The following DOCK4 variants were observed in gnomAD, a reference collection of about 807,000 sequenced individuals.
DOCK4 encodes dedicator of cytokinesis protein 4.
DOCK4 carries 97 observed loss-of-function variants against 268.1 expected under a neutral mutation model. That is an observed-to-expected ratio of 0.36 (90% CI 0.31 to 0.43). DOCK4 has a LOEUF of 0.43. Ranked by LOEUF, DOCK4 falls within the 20% of genes least tolerant of loss-of-function variation. The pLI, the probability that DOCK4 is intolerant of heterozygous loss-of-function variation, is 1.00. For missense variants in DOCK4, 2,145 were observed against 2,455.7 expected (o/e 0.87, Z 2.67); for synonymous variants, 954 against 887.2 (o/e 1.08, Z -1.34).
intron 52 of DOCK4, among the ~76,000 whole-genome samples, chr7:111,729,958 T>G (rs975241034): frequency 3.9e-5 from 6 of 152,240 alleles, no homozygotes; most frequent in African/African-American, 1.4e-4. Context: ...AACTCCAGAA[T>G]TCTGGCAGTT....
Position 111,989,082 on chromosome 7 carries a change from G to A in DOCK4, c.397C>T (p.His133Tyr). 6.2e-7 allele frequency: 1 copy of A among 1,613,992 alleles called. No homozygotes were observed. Among genetic ancestry groups the A allele is most frequent in the Non-Finnish European group, 8.5e-7 (1 of 1,179,894 alleles). The change falls in exon 6 of 53, where the codon CAC becomes TAC. Residue 133 changes from histidine to tyrosine, a missense_variant. Transcript: ENST00000428084. ...LDLRRQVLVG[H>Y]LTHDRMKDVK... ...TCCTTCATCCGGTCGTGGGTGAGGT[G>A]GCCCACCAGCACCTGCCGCCTCAGG...
chr7:111,999,973 A>C (rs575733462), intron 3 of DOCK4, among the ~76,000 whole-genome samples: 1 of 152,240 alleles, frequency 6.6e-6, no homozygotes, highest in South Asian at 2.1e-4. Context: ...ATAGAAATGT[A>C]TCAAGGATAA....
intron 4 of DOCK4, 40 bp from the exon 5 acceptor site, chr7:111,994,271 A>G: frequency 7.6e-7 from 1 of 1,319,092 alleles, no homozygotes; most frequent in East Asian, 2.3e-5. Context: ...TGTAAATACC[A>G]TAGACAACAA....
At chr7:111,739,615 C>G in intron 47 of DOCK4, 138 bp from the exon 48 acceptor site, 1 of 694,770 alleles carries the variant, frequency 1.4e-6, no homozygotes, top group Admixed American at 2.8e-5. Context: ...ATCTTAATAA[C>G]TTAGATTGAC....
chr7:111,839,393 C>T (rs1330984454), intron 25 of DOCK4, among the ~76,000 whole-genome samples: 1 of 152,072 alleles, frequency 6.6e-6, no homozygotes, highest in African/African-American at 2.4e-5. Flanking sequence ...GATTAATTTT[C>T]CTAAGACATT....
chr7:112,064,427 C>A (rs140021467), intron 1 of DOCK4, among the ~76,000 whole-genome samples: 3 of 152,304 alleles, frequency 2.0e-5, no homozygotes, highest in Admixed American at 2.0e-4. Flanking sequence ...AGCTAAAGTT[C>A]CCAGCCAGGG....
intron 1 of DOCK4, among the ~76,000 whole-genome samples, chr7:112,036,918 C>G (rs1278014904): frequency 6.6e-6 from 1 of 152,172 alleles, no homozygotes; most frequent in Non-Finnish European, 1.5e-5. Flanking sequence ...GCCTTTGCCT[C>G]CCATAGTGCT....
At chr7:112,186,895 A>C (rs1158182684) in intron 1 of DOCK4, among the ~76,000 whole-genome samples, 2 of 152,224 alleles carry the variant, frequency 1.3e-5, no homozygotes, top group Non-Finnish European at 2.9e-5. Context: ...TTTATTAGAC[A>C]AACAAAAGTC....
At position 112,011,251 on chromosome 7, in the gene DOCK4, G is replaced by A. The variant is rs952299456; in HGVS notation, c.38-7120C>T. Among the ~76,000 whole-genome samples the A allele has an allele frequency of 4.6e-5, 7 of 152,222 alleles. No individual in the cohort carries two copies. The South Asian group carries it at 6.2e-4, about 14-fold the overall frequency. On this transcript the variant is annotated intron_variant, in intron 1 of 52. Transcript: ENST00000428084. The stretch of plus-strand genomic sequence containing the variant: ...TCTGGCAAGTTCTGCTTCCTTCCTC[G>A]TCACTGCACTGGGGTGAATCCCGAG...
In DOCK4 at chr7:111,813,345, T is replaced by A. The variant is rs138392595; in HGVS notation, c.2931-1396A>T. On this transcript the variant is annotated intron_variant, in intron 27 of 52. Transcript: ENST00000428084. Reference sequence around the variant, plus strand: ...GCTAATATAGATTATATTTACTAGTTAGAAAAATATAGACTTTGAAAGACA... The same window carrying A: ...GCTAATATAGATTATATTTACTAGTAAGAAAAATATAGACTTTGAAAGACA... Among the ~76,000 whole-genome samples the A allele has an allele frequency of 1.1e-4, 16 of 151,186 alleles. No individual in the cohort carries two copies. In the East Asian group the frequency reaches 3.1e-3, roughly 29 times the overall value.
intron 8 of DOCK4, among the ~76,000 whole-genome samples, chr7:111,950,786 TA>T (rs1795993876): frequency 6.6e-6 from 1 of 152,236 alleles, no homozygotes; most frequent in South Asian, 2.1e-4. Context: ...GATTCCAGAT[TA>T]TTCCATTTAA....
chr7:112,147,195 A>G (rs1350394320), intron 1 of DOCK4, among the ~76,000 whole-genome samples: 1 of 152,198 alleles, frequency 6.6e-6, no homozygotes, highest in Non-Finnish European at 1.5e-5. Flanking sequence ...TTGTCATTAG[A>G]AATATACACA....
chr7:112,189,781 T>C (rs2523025), intron 1 of DOCK4, among the ~76,000 whole-genome samples: 4,945 of 139,220 alleles, frequency 0.036, 305 homozygotes, highest in African/African-American at 0.12. Flanking sequence ...ATAGGGTCTC[T>C]ATATTGCCCA....
rs752971386 is a variant in DOCK4, at chr7:111,901,697, T to C, written c.1297A>G (p.Ser433Gly). Reference protein sequence around the residue: ...NVEVTMFIVDSSGQTLKDFIS... With the variant: ...NVEVTMFIVDGSGQTLKDFIS... Reference sequence around the variant, plus strand: ...CATACCTTCAGGGTTTGGCCACTACTGTCTACAATGAACATCGTAACTTCC... The same window carrying C: ...CATACCTTCAGGGTTTGGCCACTACCGTCTACAATGAACATCGTAACTTCC... Residue 433 changes from serine (S) to glycine (G), a missense_variant, in exon 14 of 53, where the codon AGT becomes GGT. This residue lies in a region of DOCK4 where 1,598 missense variants were observed against 1,986.7 expected (regional missense o/e 0.80). Transcript: ENST00000428084. 1.2e-6 allele frequency: 2 copies of C among 1,613,768 alleles called. No individual in the cohort carries two copies. Among genetic ancestry groups the C allele is most frequent in the Non-Finnish European group, 1.7e-6 (2 of 1,179,790 alleles).
At chr7:112,004,763 C>T (rs376331310) in intron 1 of DOCK4, among the ~76,000 whole-genome samples, 1 of 152,288 alleles carries the variant, frequency 6.6e-6, no homozygotes, top group East Asian at 1.9e-4. Flanking sequence ...GGTCTAAACA[C>T]ACAGCCACCA....
intron 1 of DOCK4, among the ~76,000 whole-genome samples, chr7:112,027,426 T>C (rs1360431214): frequency 1.3e-5 from 2 of 152,190 alleles, no homozygotes; most frequent in African/African-American, 2.4e-5. Context: ...GGTTTCACCA[T>C]GTTGGCCAGG....
intron 12 of DOCK4, among the ~76,000 whole-genome samples, chr7:111,919,579 G>A (rs941843562): frequency 3.9e-5 from 6 of 152,206 alleles, no homozygotes; most frequent in African/African-American, 1.4e-4. Context: ...AAAGCCCTCA[G>A]TGTAATTATG....
At chr7:112,074,730 G>A (rs918891823) in intron 1 of DOCK4, among the ~76,000 whole-genome samples, 11 of 152,124 alleles carry the variant, frequency 7.2e-5, no homozygotes, top group Admixed American at 6.6e-4. Flanking sequence ...TGCAAAACCA[G>A]CCTCATCCTG....
At chr7:111,769,184 T>C (rs1267491625) in intron 37 of DOCK4, among the ~76,000 whole-genome samples, 3 of 152,196 alleles carry the variant, frequency 2.0e-5, no homozygotes, top group African/African-American at 7.2e-5. Context: ...GAATGGACTA[T>C]GTTACTGGGG....
Sources: allele counts gnomAD v4.1 joint callset (sites outside exome capture counted in the v4.1 genomes callset), GRCh38; gene constraint gnomAD v4.1.1; regional missense constraint gnomAD v4.1.1; transcripts MANE v1.5; gene names NCBI Gene and HGNC (gene_info 2026-07-23, HGNC 2026-07-21).